The following ZNF436 variants were observed in gnomAD, a reference collection of about 807,000 sequenced individuals.
The protein encoded by ZNF436 is DNA-binding protein.
Under a neutral mutation model 41.9 loss-of-function variants are expected in ZNF436, and 22 were observed. The observed-to-expected ratio is 0.53, with a 90% CI of 0.38 to 0.75. The LOEUF (loss-of-function observed/expected upper bound fraction) is 0.75. ZNF436 is among the 30% of genes least tolerant of loss of function. The pLI, the probability that ZNF436 is intolerant of heterozygous loss-of-function variation, is 0.00. For synonymous variants in ZNF436, 217 were observed against 197.8 expected, an observed-to-expected ratio of 1.10 and a Z score of -0.82; for missense variants, 506 against 587.3, an observed-to-expected ratio of 0.86 and a Z score of 1.43.
In ZNF436 at chr1:23,362,631, C is replaced by T; in HGVS notation, c.751G>A (p.Glu251Lys). 1 of 1,614,222 alleles carries T rather than the reference C, an allele frequency of 6.2e-7. No homozygotes were observed. Among genetic ancestry groups the T allele is most frequent in the Non-Finnish European group, 8.5e-7 (1 of 1,180,046 alleles). The change falls in exon 4 of 4, where the codon GAG becomes AAG. Residue 251 changes from glutamate (E) to lysine (K), a missense_variant. By Grantham distance (56) the Glu-to-Lys change is moderately conservative. This residue lies in a region of ZNF436 where 278 missense variants were observed against 372.1 expected (regional missense o/e 0.75). Transcript: ENST00000314011. Reference sequence around the variant, plus strand: ...AAGCTTTTCCCACACTCCTCACACTCATAGGGTTTCTCACCACTGTGGGTC... The same window carrying T: ...AAGCTTTTCCCACACTCCTCACACTTATAGGGTTTCTCACCACTGTGGGTC... ...QRTHSGEKPY[E>K]CEECGKSFSR...
Position 23,367,987 on chromosome 1 carries a change from T to C in ZNF436, c.19A>G (p.Met7Val). Residue 7 changes from methionine (M) to valine (V), a missense_variant, in exon 2 of 4, where the codon ATG (methionine) becomes GTG (valine). By Grantham distance (21) the Met-to-Val change is conservative. Coordinates refer to ENST00000314011, the MANE Select transcript of ZNF436 (RefSeq NM_001077195.2). The stretch of plus-strand genomic sequence containing the variant: ...CTCCGGCTTACCTGGGACCCAGCCA[T>C]GAGCAGGGTGGCTGCCATCTCGAGC... MAATLL[M>V]AGSQAPVTFE... 6.2e-7 allele frequency: 1 copy of C among 1,613,990 alleles called. No homozygotes were observed. Among genetic ancestry groups the C allele is most frequent in the Non-Finnish European group, 8.5e-7 (1 of 1,179,970 alleles).
chr1:23,363,198 C>T lies in ZNF436; in HGVS notation c.184G>A (p.Glu62Lys), dbSNP rs773419541. 9.9e-6 allele frequency: 16 copies of T among 1,612,646 alleles called. No homozygotes were observed. Among genetic ancestry groups the T allele is most frequent in the East Asian group, 6.7e-5 (3 of 44,902 alleles). The part of the protein sequence containing the change: ...SLDFEIRSEN[E>K]VNPKQEISED... ...CTAATCTCTTGCTTGGGATTTACCT[C>T]GTTCTCACTCCTGATCTCAAAATCT... The change falls in exon 4 of 4, where the codon GAG becomes AAG. Residue 62 changes from glutamate to lysine, a missense_variant. Glu to Lys is a moderately conservative substitution (Grantham distance 56). This residue lies in a region of ZNF436 where 228 missense variants were observed against 215.1 expected (regional missense o/e 1.06). Transcript: ENST00000314011.
rs1638466946 is a variant in ZNF436 at position 23,369,802 on chromosome 1, G to C, written c.-497C>G. The C allele has an allele frequency of 9.0e-6, 3 of 334,690 alleles. No individual in the cohort carries two copies. Among genetic ancestry groups the C allele is most frequent in the Admixed American group, 4.1e-5 (1 of 24,434 alleles). The allele number at this position is 334,690 out of a possible 1,614,324, so 20.7% of individuals were successfully genotyped here. A position where few individuals can be genotyped will look rare whatever the true frequency, so the allele number is the denominator to read the frequency against. On this transcript the variant is annotated 5_prime_UTR_variant, in exon 1 of 4. Transcript: ENST00000314011. ...GAAAGCAGGCATTCTGCGTGGGGAAGAGCTCCCAGCTCGCTGTAGCCTTGG... is the reference window on the plus strand; with the variant it reads ...GAAAGCAGGCATTCTGCGTGGGGAACAGCTCCCAGCTCGCTGTAGCCTTGG...
rs759351228 is a variant in ZNF436 at position 23,362,970 on chromosome 1, G to C, written c.412C>G (p.His138Asp). 2.5e-6 allele frequency: 4 copies of C among 1,614,038 alleles called. No individual in the cohort carries two copies. Among genetic ancestry groups the C allele is most frequent in the Admixed American group, 3.3e-5 (2 of 60,004 alleles). The change falls in exon 4 of 4, where the codon CAT becomes GAT. Residue 138 changes from histidine to aspartate, a missense_variant. By Grantham distance (81) the His-to-Asp change is moderately conservative. Coordinates refer to ENST00000314011, the MANE Select transcript of ZNF436 (RefSeq NM_001077195.2). Reference sequence around the variant, plus strand: ...GCCTTTCCACAATGAGAACATATATGATAGCGGATGCCTGTGTGGACTTCT... The same window carrying C: ...GCCTTTCCACAATGAGAACATATATCATAGCGGATGCCTGTGTGGACTTCT... ...HKEVHTGIRYHICSHCGKAFS... is the reference protein window; with the variant it reads ...HKEVHTGIRYDICSHCGKAFS...
In ZNF436 at chr1:23,366,946, TAAAAAATC is replaced by T. The variant is rs1638371995; in HGVS notation, c.160+88_160+95del. The T allele has an allele frequency of 1.4e-5, 20 of 1,399,300 alleles. 1 individual carries two copies. The highest frequency in any genetic ancestry group is 3.0e-5 in the South Asian group (2 of 67,016). 86.7% of individuals were successfully genotyped at this position (1,399,300 alleles called of 1,614,324 possible). A position where few individuals can be genotyped will look rare whatever the true frequency, so the allele number is the denominator to read the frequency against. ...CAAGCCAATATCCAATTAAGTGCTT[TAAAAAATC>T]AAACCACTAGGCTGTGTTGAAAGAA... On this transcript the variant is annotated intron_variant, in intron 3 of 3. Coordinates refer to ENST00000314011, the MANE Select transcript of ZNF436 (RefSeq NM_001077195.2).
At chr1:23,366,136 A>G (rs1638355111) in intron 3 of ZNF436, among the ~76,000 whole-genome samples, 1 of 152,208 alleles carries the variant, frequency 6.6e-6, no homozygotes, top group Non-Finnish European at 1.5e-5. Flanking sequence ...ATAGATCTGG[A>G]TAGATAACTA....
At position 23,362,926 on chromosome 1, in the gene ZNF436, G is replaced by T. The variant is rs780255306; in HGVS notation, c.456C>A (p.Asp152Glu). The T allele has an allele frequency of 5.0e-6, 8 of 1,614,098 alleles. No individual in the cohort carries two copies. In the African/African-American group the frequency reaches 8.0e-5, roughly 16 times the overall value. The change falls in exon 4 of 4, where the codon GAC becomes GAA. Residue 152 changes from aspartate (D) to glutamate (E), a missense_variant. By Grantham distance (45) the Asp-to-Glu change is conservative. This residue lies in a region of ZNF436 where 228 missense variants were observed against 215.1 expected (regional missense o/e 1.06). Transcript: ENST00000314011. ...HCGKAFSQISDLNRHQKTHTG... is the reference protein window; with the variant it reads ...HCGKAFSQISELNRHQKTHTG... ...TGTGGGTCTTCTGATGTCGATTAAGGTCTGAGATCTGACTGAAGGCCTTTC... is the reference window on the plus strand; with the variant it reads ...TGTGGGTCTTCTGATGTCGATTAAGTTCTGAGATCTGACTGAAGGCCTTTC...
At position 23,362,334 on chromosome 1, in the gene ZNF436, C is replaced by T; in HGVS notation, c.1048G>A (p.Val350Ile). Residue 350 changes from valine to isoleucine, a missense_variant, in exon 4 of 4, where the codon GTT becomes ATT. Physicochemically the swap from Val to Ile is conservative, Grantham distance 29 (BLOSUM62 3). Coordinates refer to ENST00000314011, the MANE Select transcript of ZNF436 (RefSeq NM_001077195.2). ...CCAGTGTGAGTTCTCTGGTGCTGAACCAAGTGTGAGATGCGGCTGAAATTT... is the reference window on the plus strand; with the variant it reads ...CCAGTGTGAGTTCTCTGGTGCTGAATCAAGTGTGAGATGCGGCTGAAATTT... ...GENFSRISHL[V>I]QHQRTHTGEK... 1 of 1,610,906 alleles carries T rather than the reference C, an allele frequency of 6.2e-7. No individual in the cohort carries two copies. The highest frequency in any genetic ancestry group is 8.5e-7 in the Non-Finnish European group (1 of 1,179,118).
Position 23,369,810 on chromosome 1 carries a change from A to T in ZNF436, c.-505T>A. 1 of 332,084 alleles carries T rather than the reference A, an allele frequency of 3.0e-6. No individual in the cohort carries two copies. The highest frequency in any genetic ancestry group is 6.4e-6 in the Non-Finnish European group (1 of 156,788). The allele number at this position is 332,084 out of a possible 1,614,324, so 20.6% of individuals were successfully genotyped here. On this transcript the variant is annotated 5_prime_UTR_variant, in exon 1 of 4. Coordinates refer to ENST00000314011, the MANE Select transcript of ZNF436 (RefSeq NM_001077195.2). ...GCATTCTGCGTGGGGAAGAGCTCCC[A>T]GCTCGCTGTAGCCTTGGAGAGGGAA...
Position 23,361,722 on chromosome 1 carries a change from C to T in ZNF436, c.*247G>A. On this transcript the variant is annotated 3_prime_UTR_variant, in exon 4 of 4. Transcript: ENST00000314011. ...CATTTGTCCCCTGGTCTTCAGATTT[C>T]CAGTTACTTGTGGGGCTGCTTTTAA... is the stretch of plus-strand genomic sequence containing the variant. The T allele has an allele frequency of 5.1e-6, 2 of 392,378 alleles. No homozygotes were observed. The highest frequency in any genetic ancestry group is 8.9e-5 in the East Asian group (2 of 22,530). The allele number at this position is 392,378 out of a possible 1,614,324, so 24.3% of individuals were successfully genotyped here. A position where few individuals can be genotyped will look rare whatever the true frequency, so the allele number is the denominator to read the frequency against.
chr1:23,366,350 G>GGAGGCAAAGTGAGGCAAAGT (rs139587962), intron 3 of ZNF436, among the ~76,000 whole-genome samples: 7 of 151,308 alleles, frequency 4.6e-5, no homozygotes, highest in Middle Eastern at 3.5e-3. Flanking sequence ...AGTCTTGACA[G>GGAGGCAAAGTGAGGCAAAGT]GAGGCAAAGT....
chr1:23,367,711 T>C (rs2148531572), intron 2 of ZNF436, among the ~76,000 whole-genome samples: 1 of 152,346 alleles, frequency 6.6e-6, no homozygotes, highest in South Asian at 2.1e-4. Context: ...TCCCTACAGA[T>C]TGTGAACTGT....
chr1:23,369,084 G>T, intron 1 of ZNF436: 1 of 242,878 alleles, frequency 4.1e-6, no homozygotes. Context: ...GCGGCGGGCT[G>T]AGTGGCGTCC....
intron 1 of ZNF436, 103 bp from the exon 2 acceptor site, chr1:23,368,168 C>G (rs1439170314): frequency 6.8e-6 from 5 of 732,512 alleles, no homozygotes; most frequent in Non-Finnish European, 2.3e-6. Flanking sequence ...GGCCCTGGAC[C>G]AGGGCCGGGT....
chr1:23,363,224 G>A lies in ZNF436; in HGVS notation c.161-3C>T. 6.2e-7 allele frequency: 1 copy of A among 1,604,668 alleles called. No homozygotes were observed. The highest frequency in any genetic ancestry group is 8.5e-7 in the Non-Finnish European group (1 of 1,176,952). On this transcript the variant is annotated splice_region_variant and splice_polypyrimidine_tract_variant and intron_variant, in intron 3 of 3. Coordinates refer to ENST00000314011, the MANE Select transcript of ZNF436 (RefSeq NM_001077195.2). The stretch of plus-strand genomic sequence containing the variant: ...GTTCTCACTCCTGATCTCAAAATCT[G>A]TAATAAAAAGTAAACAATAAGACTA...
chr1:23,369,187 CG>C, intron 1 of ZNF436, 178 bp downstream of exon 1: 2 of 390,894 alleles, frequency 5.1e-6, no homozygotes, highest in South Asian at 4.0e-5. Flanking sequence ...GCGGGGGGGG[CG>C]GGCCCTCCTT....
chr1:23,363,271 T>G, intron 3 of ZNF436, 50 bp from the exon 4 acceptor site: 1 of 1,522,498 alleles, frequency 6.6e-7, no homozygotes, highest in Non-Finnish European at 8.9e-7. Context: ...AATTACCTAT[T>G]GTGTGCCAGG....
At chr1:23,367,552 C>T (rs1008112785) in intron 2 of ZNF436, among the ~76,000 whole-genome samples, 5 of 152,196 alleles carry the variant, frequency 3.3e-5, no homozygotes, top group African/African-American at 1.2e-4. Context: ...TGCCCCCTAC[C>T]CCTCTGCACG....
In ZNF436 at chr1:23,359,466, T is replaced by C. The variant is rs189378866; in HGVS notation, c.*2503A>G. On this transcript the variant is annotated 3_prime_UTR_variant, in exon 4 of 4. Coordinates refer to ENST00000314011, the MANE Select transcript of ZNF436 (RefSeq NM_001077195.2). ...GGTTTGCTGACTTTAAAAATTATAT[T>C]TTTAATTATAGAATATTGTTAGAAT... 2 of 152,348 alleles carry C rather than the reference T, an allele frequency of 1.3e-5. No individual in the cohort carries two copies. The highest frequency in any genetic ancestry group is 3.9e-4 in the East Asian group (2 of 5,194). 9.4% of individuals were successfully genotyped at this position (152,348 alleles called of 1,614,324 possible). A position where few individuals can be genotyped will look rare whatever the true frequency, so the allele number is the denominator to read the frequency against.
Sources: gnomAD v4.1 joint callset for allele counts (sites outside exome capture counted in the v4.1 genomes callset) on GRCh38, gnomAD v4.1.1 for gene constraint, gnomAD v4.1.1 regional missense constraint, MANE v1.5 for transcripts, NCBI Gene and HGNC (gene_info 2026-07-23, HGNC 2026-07-21) for gene names.